Variants in CHAF1B observed in about 807,000 individuals in gnomAD.
The protein encoded by CHAF1B is CAF-1 subunit B.
In CHAF1B, 10 loss-of-function variants were observed where a neutral mutation model predicts 60.7. The ratio of observed to expected loss-of-function variants is 0.16; its 90% CI spans 0.10 to 0.28. The LOEUF is 0.28. CHAF1B is among the 10% of genes least tolerant of loss of function. The pLI, the probability that CHAF1B is intolerant of heterozygous loss-of-function variation, is 1.00. For missense variants in CHAF1B, 558 were observed against 708.4 expected, an observed-to-expected ratio of 0.79 and a Z score of 2.41; for synonymous variants, 261 against 266.1, an observed-to-expected ratio of 0.98 and a Z score of 0.19.
At chr21:36,411,060 A>G (rs2086274516) in intron 10 of CHAF1B, among the ~76,000 whole-genome samples, 1 of 150,946 alleles carries the variant, frequency 6.6e-6, no homozygotes, top group Non-Finnish European at 1.5e-5. Flanking sequence ...ATTAGATACT[A>G]GACACTGACT....
At chr21:36,403,749 C>G (rs896141784) in intron 8 of CHAF1B, among the ~76,000 whole-genome samples, 4 of 152,190 alleles carry the variant, frequency 2.6e-5, no homozygotes, top group Non-Finnish European at 5.9e-5. Flanking sequence ...CAAGATAAGG[C>G]TAGGCATTAT....
intron 13 of CHAF1B, 76 bp downstream of exon 13, chr21:36,415,465 C>A: frequency 1.9e-6 from 2 of 1,032,004 alleles, no homozygotes; most frequent in Admixed American, 1.9e-5. Flanking sequence ...AAATTAATGC[C>A]GCCTAATTTT....
chr21:36,385,879 T>G (rs2086027261), intron 1 of CHAF1B, among the ~76,000 whole-genome samples, 181 bp from the exon 2 acceptor site: 1 of 152,192 alleles, frequency 6.6e-6, no homozygotes, highest in African/African-American at 2.4e-5. Flanking sequence ...CGGCGTATCA[T>G]AAACTTGTGG....
At chr21:36,396,047 A>T (rs1490215171) in intron 5 of CHAF1B, among the ~76,000 whole-genome samples, 1 of 150,952 alleles carries the variant, frequency 6.6e-6, no homozygotes, top group Non-Finnish European at 1.5e-5. Context: ...GTTCCCCAGG[A>T]TGGAGTGCAG....
rs1211268872 is a variant in CHAF1B at position 36,398,532 on chromosome 21, G to C, written c.579-989G>C. 2.0e-5 allele frequency among the ~76,000 whole-genome samples: 3 copies of C among 151,950 alleles called. No individual in the cohort carries two copies. In the East Asian group the frequency reaches 5.8e-4, roughly 29 times the overall value. ...GTACCACCATGCCTGGCTAATTTTT[G>C]TATTTTTAGTAGAGACAGAGTTTCA... On this transcript the variant is annotated intron_variant, in intron 6 of 13. Coordinates refer to ENST00000314103, the MANE Select transcript of CHAF1B (RefSeq NM_005441.3).
At chr21:36,412,832 G>T (rs2086288115) in intron 11 of CHAF1B, 52 bp from the exon 12 acceptor site, 1 of 1,537,678 alleles carries the variant, frequency 6.5e-7, no homozygotes, top group Non-Finnish European at 8.8e-7. Context: ...CTTCTAAGTA[G>T]ATGTGAGAGT....
intron 4 of CHAF1B, among the ~76,000 whole-genome samples, chr21:36,393,912 T>A (rs56382962): frequency 0.098 from 14,901 of 151,946 alleles, 1,377 homozygotes; most frequent in African/African-American, 0.25. Flanking sequence ...TGTTTTGTTT[T>A]GTTTAGAGTC....
At position 36,411,515 on chromosome 21, in the gene CHAF1B, G is replaced by A. The variant is rs1406638568; in HGVS notation, c.972G>A (p.Glu324=). The A allele has an allele frequency of 1.9e-6, 3 of 1,614,112 alleles. No homozygotes were observed. Among genetic ancestry groups the A allele is most frequent in the East Asian group, 2.2e-5 (1 of 44,882 alleles). Residue 324 remains glutamate, a synonymous_variant, in exon 11 of 14, where the codon GAG becomes GAA. Coordinates refer to ENST00000314103, the MANE Select transcript of CHAF1B (RefSeq NM_005441.3). ...GCCTGGTGTTTGCTGTGGCCTCGGA[G>A]GATTCCGTGCTTCTGTATGACACCC... ...PYRLVFAVAS[E]DSVLLYDTQQ... is the part of the protein sequence containing the mutation.
Position 36,413,039 on chromosome 21 carries a change from A to T in CHAF1B, c.1217A>T (p.His406Leu). Residue 406 changes from histidine (H) to leucine (L), a missense_variant, in exon 12 of 14, where the codon CAT becomes CTT. By Grantham distance (99) the His-to-Leu change is moderately conservative. Around this residue, in one of 2 missense-constraint regions of CHAF1B, gnomAD observed 233 missense variants for 214.9 expected, o/e 1.08. Coordinates refer to ENST00000314103, the MANE Select transcript of CHAF1B (RefSeq NM_005441.3). ...GCAAAGAAAACCAAGAGTCAGACACATCGAGGGTCTTCGCCAGGACCCAGA... is the reference window on the plus strand; with the variant it reads ...GCAAAGAAAACCAAGAGTCAGACACTTCGAGGGTCTTCGCCAGGACCCAGA... Reference protein sequence around the residue: ...DTAKKTKSQTHRGSSPGPRPV... With the variant: ...DTAKKTKSQTLRGSSPGPRPV... The T allele has an allele frequency of 6.2e-7, 1 of 1,614,182 alleles. No individual in the cohort carries two copies. Among genetic ancestry groups the T allele is most frequent in the Non-Finnish European group, 8.5e-7 (1 of 1,180,022 alleles).
intron 8 of CHAF1B, among the ~76,000 whole-genome samples, chr21:36,407,961 G>A (rs778640428): frequency 1.3e-5 from 2 of 151,464 alleles, no homozygotes; most frequent in Non-Finnish European, 2.9e-5. Flanking sequence ...CTGGGTGACA[G>A]AGCAAGACTC....
chr21:36,403,302 A>G (rs2086207074), intron 8 of CHAF1B, among the ~76,000 whole-genome samples: 1 of 151,920 alleles, frequency 6.6e-6, no homozygotes, highest in Non-Finnish European at 1.5e-5. Context: ...TATTAAAAAT[A>G]CAAAAATTAA....
chr21:36,415,892 A>C (rs887693397), intron 13 of CHAF1B: 3 of 338,100 alleles, frequency 8.9e-6, no homozygotes, highest in Non-Finnish European at 1.7e-5. Context: ...AGCCGGGACT[A>C]CAGGCGTGCG....
chr21:36,408,176 G>C (rs2086251976), intron 8 of CHAF1B, among the ~76,000 whole-genome samples: 1 of 152,144 alleles, frequency 6.6e-6, no homozygotes, highest in Non-Finnish European at 1.5e-5. Flanking sequence ...ACTCTGACAG[G>C]GCTGAACTGT....
chr21:36,393,177 G>C (rs1185773138), intron 4 of CHAF1B, among the ~76,000 whole-genome samples: 1 of 152,156 alleles, frequency 6.6e-6, no homozygotes, highest in Non-Finnish European at 1.5e-5. Flanking sequence ...GTCCAGCCTC[G>C]GCTTGGCATC....
chr21:36,394,468 C>T lies in CHAF1B; in HGVS notation c.378-79C>T, dbSNP rs534317690. The T allele has an allele frequency of 6.9e-6, 7 of 1,014,002 alleles. No individual in the cohort carries two copies. In the Admixed American group the frequency reaches 9.9e-5, roughly 14 times the overall value. 62.8% of individuals were successfully genotyped at this position (1,014,002 alleles called of 1,614,324 possible). A position where few individuals can be genotyped will look rare whatever the true frequency, so the allele number is the denominator to read the frequency against. ...CAGGCAGTCTGTCTACCTTGGCCTC[C>T]CAAAGTGCTGGGATTACAGGGGTAA... On this transcript the variant is annotated intron_variant, in intron 4 of 13. Transcript: ENST00000314103.
chr21:36,393,119 G>A (rs1249873767), intron 4 of CHAF1B, among the ~76,000 whole-genome samples: 1 of 152,214 alleles, frequency 6.6e-6, no homozygotes, highest in Non-Finnish European at 1.5e-5. Context: ...GGCTGAGGCA[G>A]GAGAATCAGG....
At chr21:36,404,978 A>G (rs567608777) in intron 8 of CHAF1B, among the ~76,000 whole-genome samples, 40 of 152,108 alleles carry the variant, frequency 2.6e-4, no homozygotes, top group African/African-American at 9.4e-4. Context: ...TCCTGACCTC[A>G]GGTGATCTGC....
chr21:36,389,759 A>ATATGTGTGTG (rs1491586590), intron 3 of CHAF1B, among the ~76,000 whole-genome samples: 38 of 125,886 alleles, frequency 3.0e-4, no homozygotes, highest in African/African-American at 9.3e-4. Context: ...GCATGAAGGG[A>ATATGTGTGTG]TGTGTGTGTG....
intron 12 of CHAF1B, among the ~76,000 whole-genome samples, chr21:36,413,745 C>G (rs2086296798): frequency 6.6e-6 from 1 of 152,166 alleles, no homozygotes; most frequent in Non-Finnish European, 1.5e-5. Context: ...CCTGAAAGAC[C>G]CATTTCAATG....
Sources: gnomAD v4.1 joint callset for allele counts (sites outside exome capture counted in the v4.1 genomes callset) on GRCh38, gnomAD v4.1.1 for gene constraint, gnomAD v4.1.1 regional missense constraint, MANE v1.5 for transcripts, NCBI Gene and HGNC (gene_info 2026-07-23, HGNC 2026-07-21) for gene names.